Variants in FYN observed in about 807,000 individuals in gnomAD.
The protein encoded by FYN is FYN proto-oncogene, Src family tyrosine kinase, also known as tyrosine-protein kinase Fyn.
Under a neutral mutation model 70.2 loss-of-function variants are expected in FYN, and 10 were observed. That is an observed-to-expected ratio of 0.14 (90% CI 0.09 to 0.24). The LOEUF (loss-of-function observed/expected upper bound fraction) is 0.24, where lower values mean the gene tolerates loss of function less well. FYN is among the 10% of genes least tolerant of loss of function. The pLI, the probability that FYN is intolerant of heterozygous loss-of-function variation, is 1.00. For synonymous variants in FYN, 236 were observed against 248.6 expected, an observed-to-expected ratio of 0.95 and a Z score of 0.48; for missense variants, 319 against 673.1, an observed-to-expected ratio of 0.47 and a Z score of 5.82.
At chr6:111,821,522 A>G (rs1215133506) in intron 2 of FYN, among the ~76,000 whole-genome samples, 1 of 152,256 alleles carries the variant, frequency 6.6e-6, no homozygotes, top group Non-Finnish European at 1.5e-5. Context: ...ACCTAAAACC[A>G]TAAAAACCCT....
rs1773394168 is a variant in FYN at position 111,842,539 on chromosome 6, G to T, written c.-82+4050C>A. On this transcript the variant is annotated intron_variant, in intron 2 of 13. Transcript: ENST00000354650. ...AGCCAATGTCCCCCTATTCACACTGGAGACACATCCTCATGTCACCCCAGC... is the reference window on the plus strand; with the variant it reads ...AGCCAATGTCCCCCTATTCACACTGTAGACACATCCTCATGTCACCCCAGC... Among the ~76,000 whole-genome samples, 3 of 152,108 alleles carry T rather than the reference G, an allele frequency of 2.0e-5. No individual in the cohort carries two copies. The South Asian group carries it at 6.2e-4, about 32-fold the overall frequency.
chr6:111,716,965 T>C (rs992938154), intron 4 of FYN, among the ~76,000 whole-genome samples: 17 of 152,162 alleles, frequency 1.1e-4, no homozygotes, highest in African/African-American at 4.1e-4. Context: ...TTTGTATTTT[T>C]AGTAGAGACG....
chr6:111,668,988 G>A lies in FYN; in HGVS notation c.1405+5511C>T, dbSNP rs181402712. ...TCTAAGGCAGAGGGAGGACCAGAGT[G>A]GCATTTGGAATCCTTTAAGGAAAAA... On this transcript the variant is annotated intron_variant, in intron 13 of 13. Transcript: ENST00000354650. 2.2e-4 allele frequency among the ~76,000 whole-genome samples: 33 copies of A among 152,210 alleles called. No homozygotes were observed. In the East Asian group the frequency reaches 5.4e-3, roughly 25 times the overall value.
chr6:111,714,537 T>A (rs1800530973), intron 4 of FYN, 94 bp from the exon 5 acceptor site: 1 of 891,688 alleles, frequency 1.1e-6, no homozygotes. Context: ...ATTCTCACAA[T>A]CTACATCTAG....
At chr6:111,821,515 T>A (rs1369925634) in intron 2 of FYN, among the ~76,000 whole-genome samples, 1 of 152,112 alleles carries the variant, frequency 6.6e-6, no homozygotes, top group African/African-American at 2.4e-5. Flanking sequence ...ATGTTAGACC[T>A]AAAACCATAA....
chr6:111,863,802 C>A (rs532503160), intron 1 of FYN, among the ~76,000 whole-genome samples: 8 of 152,268 alleles, frequency 5.3e-5, no homozygotes, highest in South Asian at 2.1e-4. Flanking sequence ...TCTTTCTGTG[C>A]GGATTTATGA....
chr6:111,813,602 A>C (rs769000540), intron 2 of FYN, among the ~76,000 whole-genome samples: 8 of 152,194 alleles, frequency 5.3e-5, no homozygotes, highest in Non-Finnish European at 8.8e-5. Context: ...GCAGGACTCT[A>C]ACAGACTCCA....
intron 2 of FYN, among the ~76,000 whole-genome samples, chr6:111,787,384 C>G (rs113630303): frequency 0.042 from 6,314 of 152,100 alleles, 171 homozygotes; most frequent in East Asian, 0.14. Flanking sequence ...GTAGATGTGT[C>G]GTATTATTTC....
intron 3 of FYN, among the ~76,000 whole-genome samples, chr6:111,768,844 T>C (rs748327697): frequency 2.6e-5 from 4 of 152,254 alleles, no homozygotes; most frequent in Non-Finnish European, 5.9e-5. Context: ...CTATAATTTC[T>C]GGTTATTTAG....
intron 2 of FYN, among the ~76,000 whole-genome samples, chr6:111,835,093 A>C (rs1260942883): frequency 6.6e-6 from 1 of 152,180 alleles, no homozygotes; most frequent in Non-Finnish European, 1.5e-5. Context: ...TTTATTCTAA[A>C]AGCTTTTCTT....
At chr6:111,865,452 G>A (rs780651821) in intron 1 of FYN, among the ~76,000 whole-genome samples, 8 of 152,134 alleles carry the variant, frequency 5.3e-5, no homozygotes, top group South Asian at 2.1e-4. Context: ...TTCCTCCCAC[G>A]TTTTTATTAG....
intron 2 of FYN, among the ~76,000 whole-genome samples, chr6:111,828,171 G>A (rs1326573394): frequency 2.0e-5 from 3 of 152,114 alleles, no homozygotes; most frequent in African/African-American, 7.2e-5. Context: ...TCCCCAGCCA[G>A]CATCCTGAGG....
chr6:111,862,504 T>A (rs1738038088), intron 1 of FYN, among the ~76,000 whole-genome samples: 1 of 152,142 alleles, frequency 6.6e-6, no homozygotes, highest in Non-Finnish European at 1.5e-5. Context: ...GAAAGCCAGC[T>A]GCATGTTCCA....
chr6:111,770,882 A>AGGG (rs1803424540), intron 3 of FYN, among the ~76,000 whole-genome samples: 2 of 152,120 alleles, frequency 1.3e-5, no homozygotes, highest in Non-Finnish European at 1.5e-5. Flanking sequence ...CCATGACCCA[A>AGGG]ATACCTCCCA....
At chr6:111,813,120 C>T (rs946456448) in intron 2 of FYN, among the ~76,000 whole-genome samples, 1 of 152,166 alleles carries the variant, frequency 6.6e-6, no homozygotes, top group African/African-American at 2.4e-5. Context: ...AAATCATGGA[C>T]TTACTGTCTT....
intron 1 of FYN, among the ~76,000 whole-genome samples, chr6:111,850,409 C>T (rs951179339): frequency 3.3e-5 from 5 of 152,234 alleles, no homozygotes; most frequent in African/African-American, 1.2e-4. Context: ...ATCGGAATGG[C>T]TTCTTTCTGC....
intron 6 of FYN, among the ~76,000 whole-genome samples, chr6:111,705,815 C>T (rs1004825032): frequency 6.6e-6 from 1 of 152,164 alleles, no homozygotes; most frequent in Non-Finnish European, 1.5e-5. Flanking sequence ...GGCCACTGCA[C>T]TCTAGCCTGG....
intron 2 of FYN, among the ~76,000 whole-genome samples, chr6:111,845,168 G>A (rs1022978822): frequency 6.6e-6 from 1 of 152,264 alleles, no homozygotes; most frequent in Non-Finnish European, 1.5e-5. Context: ...GGCAAGTCCT[G>A]CAGTCTGGGG....
intron 12 of FYN, among the ~76,000 whole-genome samples, chr6:111,675,831 A>G (rs1317363938): frequency 6.6e-6 from 1 of 151,126 alleles, no homozygotes; most frequent in African/African-American, 2.4e-5. Flanking sequence ...ATAAATAAAT[A>G]AATAAATAAA....
Sources: gnomAD v4.1 joint callset for allele counts (sites outside exome capture counted in the v4.1 genomes callset) on GRCh38, gnomAD v4.1.1 for gene constraint, MANE v1.5 for transcripts, NCBI Gene and HGNC (gene_info 2026-07-23, HGNC 2026-07-21) for gene names.